RASAL2: variants seen among roughly 807,000 people sequenced by gnomAD.
RASAL2 encodes the protein ras GTPase-activating protein nGAP.
In RASAL2, 58 loss-of-function variants were observed where a neutral mutation model predicts 128.9. That is an observed-to-expected ratio of 0.45 (90% confidence interval 0.36 to 0.56). The LOEUF is 0.56. RASAL2 is among the 20% of genes least tolerant of loss of function. The pLI is 0.00. For synonymous variants in RASAL2, 561 were observed against 580.8 expected (o/e 0.97, Z 0.49); for missense variants, 1,360 against 1,601.6 (o/e 0.85, Z 2.57).
chr1:178,367,868 G>A (rs1395228206), intron 3 of RASAL2, among the ~76,000 whole-genome samples: 1 of 152,218 alleles, frequency 6.6e-6, no homozygotes, highest in Non-Finnish European at 1.5e-5. Flanking sequence ...GGACTTGGTA[G>A]ATATCCGGAC....
chr1:178,396,305 A>G (rs1673223733), intron 4 of RASAL2, among the ~76,000 whole-genome samples: 1 of 152,196 alleles, frequency 6.6e-6, no homozygotes, highest in African/African-American at 2.4e-5. Flanking sequence ...TCATTCTTAT[A>G]GATGATGTAC....
chr1:178,210,011 C>T (rs551336997), intron 1 of RASAL2, among the ~76,000 whole-genome samples: 17 of 152,058 alleles, frequency 1.1e-4, no homozygotes, highest in Admixed American at 6.5e-4. Flanking sequence ...TTCTTTCTCT[C>T]CTTTTCTTTT....
At chr1:178,274,105 T>C (rs541414234) in intron 1 of RASAL2, among the ~76,000 whole-genome samples, 23 of 152,312 alleles carry the variant, frequency 1.5e-4, no homozygotes, top group African/African-American at 5.1e-4. Context: ...GTAGAGCTAT[T>C]AAAGATTTTT....
At chr1:178,232,488 C>G (rs1001819228) in intron 1 of RASAL2, among the ~76,000 whole-genome samples, 1 of 152,122 alleles carries the variant, frequency 6.6e-6, no homozygotes, top group African/African-American at 2.4e-5. Flanking sequence ...CAAGATCTTG[C>G]CTCAAGATTT....
chr1:178,429,430 A>G (rs993828593), intron 5 of RASAL2, among the ~76,000 whole-genome samples: 2 of 152,124 alleles, frequency 1.3e-5, no homozygotes, highest in African/African-American at 4.8e-5. Context: ...GTTTCTCACA[A>G]AATCTTTCCC....
At chr1:178,248,537 C>T (rs192752472) in intron 1 of RASAL2, among the ~76,000 whole-genome samples, 1 of 152,202 alleles carries the variant, frequency 6.6e-6, no homozygotes, top group East Asian at 1.9e-4. Flanking sequence ...GACATTTAGC[C>T]CATTACATTT....
chr1:178,420,254 C>T (rs1043505606), intron 4 of RASAL2, among the ~76,000 whole-genome samples: 9 of 152,100 alleles, frequency 5.9e-5, no homozygotes, highest in Non-Finnish European at 8.8e-5. Flanking sequence ...TCTTCCATAA[C>T]TAATATAAAC....
chr1:178,243,204 T>C (rs1392318990), intron 1 of RASAL2, among the ~76,000 whole-genome samples: 1 of 152,156 alleles, frequency 6.6e-6, no homozygotes, highest in Non-Finnish European at 1.5e-5. Context: ...CAATTTAATT[T>C]TCAGAGATTT....
chr1:178,457,577 G>C, intron 13 of RASAL2, 106 bp from the exon 14 acceptor site: 1 of 1,123,254 alleles, frequency 8.9e-7, no homozygotes, highest in Non-Finnish European at 1.3e-6. Flanking sequence ...AGAAATGTAC[G>C]TATCCACATA....
intron 1 of RASAL2, chr1:178,121,218 G>C (rs1045251284): frequency 2.6e-5 from 4 of 151,988 alleles, no homozygotes; most frequent in Non-Finnish European, 5.9e-5. Flanking sequence ...CTTATCTCTT[G>C]TTCCAGTTTT....
At chr1:178,127,258 G>A (rs1659934763) in intron 1 of RASAL2, among the ~76,000 whole-genome samples, 1 of 152,072 alleles carries the variant, frequency 6.6e-6, no homozygotes, top group East Asian at 1.9e-4. Flanking sequence ...TATTTATTAA[G>A]TTCAGTGTTT....
intron 4 of RASAL2, among the ~76,000 whole-genome samples, chr1:178,406,279 G>T (rs1325223373): frequency 6.6e-6 from 1 of 152,192 alleles, no homozygotes; most frequent in Non-Finnish European, 1.5e-5. Flanking sequence ...AACTGTACAT[G>T]CAACAGCATG....
At chr1:178,238,853 A>G (rs2102044783) in intron 1 of RASAL2, among the ~76,000 whole-genome samples, 1 of 152,166 alleles carries the variant, frequency 6.6e-6, no homozygotes, top group South Asian at 2.1e-4. Flanking sequence ...TATCTGCCTC[A>G]GGCAAGTTTT....
At chr1:178,460,407 C>T (rs1289960087) in intron 14 of RASAL2, among the ~76,000 whole-genome samples, 1 of 151,706 alleles carries the variant, frequency 6.6e-6, no homozygotes, top group African/African-American at 2.4e-5. Context: ...TTTTTGTGCT[C>T]ATCTGGAACC....
chr1:178,338,622 T>C (rs1056501436), intron 3 of RASAL2, among the ~76,000 whole-genome samples: 7 of 152,214 alleles, frequency 4.6e-5, no homozygotes, highest in Non-Finnish European at 7.3e-5. Flanking sequence ...AACACTATAT[T>C]TGTTGATATT....
At chr1:178,120,231 T>C (rs1286666348) in intron 1 of RASAL2, among the ~76,000 whole-genome samples, 1 of 152,220 alleles carries the variant, frequency 6.6e-6, no homozygotes, top group Non-Finnish European at 1.5e-5. Context: ...AATCACCTGT[T>C]GCAATGAACT....
intron 3 of RASAL2, among the ~76,000 whole-genome samples, chr1:178,361,285 T>G (rs1239544006): frequency 6.6e-6 from 1 of 152,210 alleles, no homozygotes; most frequent in Non-Finnish European, 1.5e-5. Context: ...TGTGGTATTT[T>G]TTTTTCAATC....
intron 1 of RASAL2, among the ~76,000 whole-genome samples, chr1:178,177,092 G>A (rs1661923728): frequency 6.6e-6 from 1 of 152,190 alleles, no homozygotes; most frequent in African/African-American, 2.4e-5. Flanking sequence ...TGGGTAACAT[G>A]AATAGTTGTG....
chr1:178,152,961 AAAT>A (rs1660963590), intron 1 of RASAL2, among the ~76,000 whole-genome samples: 1 of 152,200 alleles, frequency 6.6e-6, no homozygotes. Context: ...CATTTCTTAA[AAAT>A]AATCTAATAT....
Sources: gnomAD v4.1 joint callset for allele counts (sites outside exome capture counted in the v4.1 genomes callset) on GRCh38, gnomAD v4.1.1 for gene constraint, MANE v1.5 for transcripts, NCBI Gene and HGNC (gene_info 2026-07-23, HGNC 2026-07-21) for gene names.